The following HERC3 variants were observed in gnomAD, a reference collection of about 807,000 sequenced individuals.
HERC3 encodes the protein probable E3 ubiquitin-protein ligase HERC3.
A neutral mutation model predicts 129.9 loss-of-function variants in HERC3; 58 were observed. That is an observed-to-expected ratio of 0.45 (90% confidence interval 0.36 to 0.56). HERC3 has a LOEUF of 0.56. HERC3 is among the 20% of genes least tolerant of loss of function. HERC3 has a pLI of 0.00. For missense variants in HERC3, 835 were observed against 1,244.2 expected (o/e 0.67, Z 4.95); for synonymous variants, 430 against 451.0 (o/e 0.95, Z 0.59).
chr4:88,536,289 C>T, the HERC3 span, among the ~76,000 whole-genome samples: 4 of 152,154 alleles, frequency 2.6e-5, no homozygotes, highest in Non-Finnish European at 4.4e-5. Flanking sequence ...TTCTTCTGCC[C>T]AGAATATCTT....
the HERC3 span, among the ~76,000 whole-genome samples, chr4:88,582,786 C>T: frequency 6.6e-6 from 1 of 152,188 alleles, no homozygotes; most frequent in African/African-American, 2.4e-5. Context: ...CTGCCACCTT[C>T]CCTAGAGCAC....
At chr4:88,664,083 T>G in intron 11 of HERC3, 70 bp from the exon 12 acceptor site, 1 of 1,330,542 alleles carries the variant, frequency 7.5e-7, no homozygotes, top group Non-Finnish European at 1.1e-6. Flanking sequence ...GTTACTTTAT[T>G]ATTGATGCTT....
the HERC3 span, chr4:88,524,009 C>T: frequency 2.6e-6 from 1 of 391,852 alleles, no homozygotes. Context: ...TCACCGGGGC[C>T]TGTCCAAGGA....
intron 3 of HERC3, among the ~76,000 whole-genome samples, chr4:88,613,588 T>C (rs749785639): frequency 6.6e-6 from 1 of 152,188 alleles, no homozygotes; most frequent in Non-Finnish European, 1.5e-5. Flanking sequence ...AACTCTGTCA[T>C]GTTAATCAGC....
intron 2 of HERC3, among the ~76,000 whole-genome samples, chr4:88,600,913 G>A (rs1295611257): frequency 3.9e-5 from 6 of 152,086 alleles, no homozygotes; most frequent in Admixed American, 1.3e-4. Context: ...TACTAAAAAC[G>A]AAAAAATCCA....
intron 3 of HERC3, among the ~76,000 whole-genome samples, chr4:88,637,032 G>T (rs1727491735): frequency 6.6e-6 from 1 of 152,154 alleles, no homozygotes. Context: ...GGGAGGCTGA[G>T]GTAGGAGAAT....
At chr4:88,685,911 C>G (rs1410889896) in intron 21 of HERC3, among the ~76,000 whole-genome samples, 1 of 151,996 alleles carries the variant, frequency 6.6e-6, no homozygotes, top group Non-Finnish European at 1.5e-5. Flanking sequence ...AAAAGAAGCT[C>G]TTTTTTCACT....
intron 1 of HERC3, among the ~76,000 whole-genome samples, chr4:88,595,115 AAAAAAAAAG>A (rs1393329763): frequency 6.0e-5 from 9 of 151,178 alleles, no homozygotes; most frequent in African/African-American, 2.2e-4. Context: ...AAAAAAAAAA[AAAAAAAAAG>A]AAAAGGAATG....
chr4:88,661,333 G>A (rs147007896), intron 10 of HERC3, among the ~76,000 whole-genome samples: 124 of 152,284 alleles, frequency 8.1e-4, no homozygotes, highest in African/African-American at 2.9e-3. Flanking sequence ...TCAATAACCA[G>A]ATGATCACAA....
At chr4:88,637,269 C>CA (rs1211452551) in intron 3 of HERC3, among the ~76,000 whole-genome samples, 1 of 151,688 alleles carries the variant, frequency 6.6e-6, no homozygotes, top group African/African-American at 2.4e-5. Flanking sequence ...ACTAAAAATA[C>CA]AAAAAAATTA....
rs1735944954 is a variant in HERC3, at chr4:88,708,474, G to A, written c.*1514G>A. The stretch of plus-strand genomic sequence containing the variant: ...AAATATATATACAGTTATATGAAAT[G>A]TTTATTTTCTATGTGTGTGCATATA... On this transcript the variant is annotated 3_prime_UTR_variant, in exon 26 of 26. Coordinates refer to ENST00000402738, the MANE Select transcript of HERC3 (RefSeq NM_014606.3). 6.6e-6 allele frequency: 1 copy of A among 152,396 alleles called. No homozygotes were observed. Among genetic ancestry groups the A allele is most frequent in the Non-Finnish European group, 1.5e-5 (1 of 68,008 alleles). The allele number at this position is 152,396 out of a possible 1,614,324, so 9.4% of individuals were successfully genotyped here.
chr4:88,641,740 A>G (rs1287606766), intron 3 of HERC3, among the ~76,000 whole-genome samples: 3 of 152,192 alleles, frequency 2.0e-5, no homozygotes, highest in Non-Finnish European at 2.9e-5. Flanking sequence ...ACAAACTGTC[A>G]AAACTCAACC....
chr4:88,674,963 C>CT, intron 16 of HERC3, among the ~76,000 whole-genome samples: 1 of 152,294 alleles, frequency 6.6e-6, no homozygotes, highest in African/African-American at 2.4e-5. Flanking sequence ...GAGGCACATG[C>CT]TGCTTATTCG....
intron 3 of HERC3, among the ~76,000 whole-genome samples, chr4:88,634,240 CT>C (rs1247064380): frequency 6.6e-6 from 1 of 152,232 alleles, no homozygotes; most frequent in African/African-American, 2.4e-5. Context: ...GAAGATCCCA[CT>C]CGTGAGCCCA....
intron 16 of HERC3, among the ~76,000 whole-genome samples, chr4:88,671,129 T>C (rs17014415): frequency 0.043 from 6,566 of 152,184 alleles, 180 homozygotes; most frequent in Middle Eastern, 0.12. Flanking sequence ...CTCCTTTTGA[T>C]AGCACACCAG....
intron 16 of HERC3, among the ~76,000 whole-genome samples, chr4:88,674,855 AG>A (rs991773630): frequency 1.7e-4 from 26 of 152,192 alleles, no homozygotes; most frequent in African/African-American, 5.8e-4. Context: ...AAATGTGCCA[AG>A]ATCCCTGGAG....
the HERC3 span, among the ~76,000 whole-genome samples, chr4:88,586,242 TA>T: frequency 6.6e-6 from 1 of 152,238 alleles, no homozygotes; most frequent in South Asian, 2.1e-4. Context: ...TGCAATTGTT[TA>T]AAATGATGTT....
At chr4:88,551,696 C>T in the HERC3 span, among the ~76,000 whole-genome samples, 1 of 152,188 alleles carries the variant, frequency 6.6e-6, no homozygotes, top group African/African-American at 2.4e-5. Context: ...GGACTGTAAA[C>T]TAGTTCAACC....
At chr4:88,683,297 A>C (rs981580817) in intron 21 of HERC3, among the ~76,000 whole-genome samples, 2 of 152,158 alleles carry the variant, frequency 1.3e-5, no homozygotes, top group Admixed American at 1.3e-4. Context: ...TTTGTAGAGA[A>C]GGGATACTGA....
Sources: gnomAD v4.1 joint callset for allele counts (sites outside exome capture counted in the v4.1 genomes callset) on GRCh38, gnomAD v4.1.1 for gene constraint, MANE v1.5 for transcripts, NCBI Gene and HGNC (gene_info 2026-07-23, HGNC 2026-07-21) for gene names.